ADAMTS6: variants seen among roughly 807,000 people sequenced by gnomAD.
ADAMTS6 encodes the protein ADAM metallopeptidase with thrombospondin type 1 motif 6.
A neutral mutation model predicts 144.3 loss-of-function variants in ADAMTS6; 23 were observed. That is an observed-to-expected ratio of 0.16 (90% confidence interval 0.11 to 0.23). ADAMTS6 has a LOEUF of 0.23. Ranked by LOEUF, ADAMTS6 falls within the 10% of genes least tolerant of loss-of-function variation. ADAMTS6 has a pLI of 1.00. For missense variants in ADAMTS6, 999 were observed against 1,379.6 expected (o/e 0.72, Z 4.37); for synonymous variants, 444 against 457.5 (o/e 0.97, Z 0.38).
intron 10 of ADAMTS6, among the ~76,000 whole-genome samples, chr5:65,292,593 A>G (rs1480499884): frequency 6.6e-6 from 1 of 152,148 alleles, no homozygotes; most frequent in African/African-American, 2.4e-5. Flanking sequence ...TTCTATAAAA[A>G]GGTATGTTCA....
intron 7 of ADAMTS6, chr5:65,416,223 G>T: frequency 6.3e-6 from 1 of 158,762 alleles, no homozygotes; most frequent in South Asian, 1.7e-4. Context: ...TACAATGTAG[G>T]GTTTATACAA....
intron 14 of ADAMTS6, among the ~76,000 whole-genome samples, chr5:65,257,941 T>C (rs1760831188): frequency 1.3e-5 from 2 of 152,244 alleles, no homozygotes; most frequent in Non-Finnish European, 2.9e-5. Context: ...ATTGTCTTTC[T>C]CACCCAAGCA....
intron 7 of ADAMTS6, chr5:65,415,612 A>G (rs915351586): frequency 5.0e-5 from 17 of 336,864 alleles, no homozygotes; most frequent in Non-Finnish European, 9.9e-5. Context: ...CCCATCAAGG[A>G]GTCTGAGATC....
At chr5:65,328,222 C>G (rs1251045999) in intron 9 of ADAMTS6, among the ~76,000 whole-genome samples, 1 of 151,736 alleles carries the variant, frequency 6.6e-6, no homozygotes, top group Non-Finnish European at 1.5e-5. Flanking sequence ...GCCGACTGAC[C>G]CAATTTTACT....
At chr5:65,253,493 A>C (rs763996641) in intron 14 of ADAMTS6, among the ~76,000 whole-genome samples, 27 of 152,302 alleles carry the variant, frequency 1.8e-4, no homozygotes, top group Non-Finnish European at 3.8e-4. Context: ...CTAGTTGGAA[A>C]GTTTTCTTTC....
chr5:65,224,880 A>G (rs759743443), intron 17 of ADAMTS6, 44 bp downstream of exon 17: 10 of 1,558,538 alleles, frequency 6.4e-6, no homozygotes, highest in African/African-American at 1.4e-5. Flanking sequence ...TGGCTCCTCC[A>G]AGTACACCAG....
chr5:65,475,975 A>G (rs2150291548), intron 1 of ADAMTS6, among the ~76,000 whole-genome samples: 1 of 152,154 alleles, frequency 6.6e-6, no homozygotes, highest in East Asian at 1.9e-4. Flanking sequence ...CCCTCCTCTT[A>G]ATTTGATTCT....
chr5:65,356,584 A>G (rs1429012920), intron 7 of ADAMTS6, among the ~76,000 whole-genome samples: 1 of 151,950 alleles, frequency 6.6e-6, no homozygotes, highest in East Asian at 1.9e-4. Flanking sequence ...CTTTTCTTGG[A>G]AAATATTTTG....
intron 24 of ADAMTS6, among the ~76,000 whole-genome samples, chr5:65,168,109 C>T (rs1170656072): frequency 5.0e-4 from 76 of 151,336 alleles, no homozygotes; most frequent in African/African-American, 1.5e-3. Context: ...TGTTTGCAGA[C>T]GACATGATTG....
intron 18 of ADAMTS6, among the ~76,000 whole-genome samples, chr5:65,221,713 C>T (rs187754220): frequency 6.5e-4 from 99 of 152,046 alleles, no homozygotes; most frequent in Non-Finnish European, 1.0e-3. Flanking sequence ...TGCCTTTGTT[C>T]GAGGATGACA....
intron 7 of ADAMTS6, among the ~76,000 whole-genome samples, chr5:65,394,224 C>A (rs1023698874): frequency 5.3e-5 from 8 of 152,168 alleles, no homozygotes; most frequent in African/African-American, 1.4e-4. Context: ...AGCCTCCAAG[C>A]AAGCAGGCTG....
intron 7 of ADAMTS6, among the ~76,000 whole-genome samples, chr5:65,393,337 C>T (rs1753079394): frequency 6.6e-6 from 1 of 152,158 alleles, no homozygotes; most frequent in Non-Finnish European, 1.5e-5. Flanking sequence ...TAACATAATC[C>T]TTCCATGAAC....
At chr5:65,452,956 T>C (rs937050477) in intron 4 of ADAMTS6, 38 bp from the exon 5 acceptor site, 4 of 1,458,654 alleles carry the variant, frequency 2.7e-6, no homozygotes, top group Non-Finnish European at 3.8e-6. Context: ...GGTTCACTAA[T>C]TAAAAATATT....
At chr5:65,301,969 G>C (rs959816008) in intron 9 of ADAMTS6, among the ~76,000 whole-genome samples, 4 of 150,744 alleles carry the variant, frequency 2.7e-5, no homozygotes, top group African/African-American at 9.8e-5. Flanking sequence ...GTGTGCTCCT[G>C]TAGTTCCAGC....
At chr5:65,387,987 T>G (rs1437070001) in intron 7 of ADAMTS6, among the ~76,000 whole-genome samples, 1 of 151,958 alleles carries the variant, frequency 6.6e-6, no homozygotes, top group Non-Finnish European at 1.5e-5. Context: ...AAGGCGGGCC[T>G]ATCACCTGAG....
intron 7 of ADAMTS6, among the ~76,000 whole-genome samples, chr5:65,420,085 A>C (rs1309895330): frequency 6.6e-6 from 1 of 152,190 alleles, no homozygotes; most frequent in African/African-American, 2.4e-5. Context: ...AAGGGAAAGC[A>C]AGGTATCTTC....
chr5:65,176,128 G>T (rs545634919), intron 22 of ADAMTS6, among the ~76,000 whole-genome samples: 2 of 151,910 alleles, frequency 1.3e-5, no homozygotes, highest in East Asian at 3.9e-4. Context: ...GGAAAAAAAG[G>T]GGGGGGCAGA....
At chr5:65,199,315 T>A (rs1391079956) in intron 20 of ADAMTS6, among the ~76,000 whole-genome samples, 1 of 152,176 alleles carries the variant, frequency 6.6e-6, no homozygotes, top group African/African-American at 2.4e-5. Flanking sequence ...CTGAATTAAG[T>A]CAAGATAAAA....
intron 12 of ADAMTS6, 83 bp from the exon 13 acceptor site, chr5:65,263,045 G>T: frequency 1.3e-6 from 2 of 1,553,246 alleles, no homozygotes; most frequent in South Asian, 2.3e-5. Flanking sequence ...GTCAGGTACT[G>T]ACCAACTATA....
Sources: gnomAD v4.1 joint callset for allele counts (sites outside exome capture counted in the v4.1 genomes callset) on GRCh38, gnomAD v4.1.1 for gene constraint, MANE v1.5 for transcripts, NCBI Gene and HGNC (gene_info 2026-07-23, HGNC 2026-07-21) for gene names.